The following CDH12 variants were observed in gnomAD, a reference collection of about 807,000 sequenced individuals.
The protein encoded by CDH12 is cadherin 12, also known as cadherin-12.
A neutral mutation model predicts 74.1 loss-of-function variants in CDH12; 41 were observed. That is an observed-to-expected ratio of 0.55 (90% confidence interval 0.43 to 0.72). The LOEUF is 0.72. CDH12 is among the 30% of genes least tolerant of loss of function. CDH12 has a pLI of 0.00. For missense variants in CDH12, 945 were observed against 977.2 expected (o/e 0.97, Z 0.44); for synonymous variants, 399 against 355.0 (o/e 1.12, Z -1.39).
intron 4 of CDH12, among the ~76,000 whole-genome samples, chr5:22,191,375 A>C (rs1750265146): frequency 6.6e-6 from 1 of 152,102 alleles, no homozygotes; most frequent in Non-Finnish European, 1.5e-5. Flanking sequence ...CAGCTCATAG[A>C]TACACTGGAT....
At chr5:22,078,930 C>G in intron 4 of CDH12, 68 bp from the exon 5 acceptor site, 1 of 754,192 alleles carries the variant, frequency 1.3e-6, no homozygotes, top group Non-Finnish European at 1.8e-6. Context: ...TCACAACGCT[C>G]ATTATATCTG....
At chr5:22,042,541 A>G (rs192647822) in intron 5 of CDH12, among the ~76,000 whole-genome samples, 4 of 152,288 alleles carry the variant, frequency 2.6e-5, no homozygotes, top group Admixed American at 1.3e-4. Flanking sequence ...TGGAAAACCT[A>G]GAACAATTAT....
intron 1 of CDH12, among the ~76,000 whole-genome samples, chr5:22,697,241 G>T (rs1561584522): frequency 1.3e-5 from 2 of 152,126 alleles, no homozygotes; most frequent in African/African-American, 4.8e-5. Flanking sequence ...CAGAGATGTT[G>T]CAGGTGAGGT....
intron 1 of CDH12, among the ~76,000 whole-genome samples, chr5:22,820,360 T>C (rs1442943564): frequency 6.6e-6 from 1 of 151,786 alleles, no homozygotes; most frequent in Non-Finnish European, 1.5e-5. Context: ...CAGTGGGAGG[T>C]GATCAAATCA....
At chr5:22,224,440 C>T (rs963473674) in intron 3 of CDH12, among the ~76,000 whole-genome samples, 8 of 151,942 alleles carry the variant, frequency 5.3e-5, no homozygotes, top group Non-Finnish European at 1.2e-4. Flanking sequence ...ATTTTAAAAA[C>T]GATAAACTGA....
At chr5:22,671,865 T>TG (rs1488046788) in intron 1 of CDH12, among the ~76,000 whole-genome samples, 1 of 150,322 alleles carries the variant, frequency 6.7e-6, no homozygotes, top group Non-Finnish European at 1.5e-5. Flanking sequence ...TTTTTGGGGG[T>TG]GGGGTAACTG....
At chr5:22,019,592 A>C (rs922352028) in intron 5 of CDH12, among the ~76,000 whole-genome samples, 3 of 152,184 alleles carry the variant, frequency 2.0e-5, no homozygotes, top group Non-Finnish European at 4.4e-5. Flanking sequence ...CATGGCAAGA[A>C]GATGTTGACC....
At chr5:22,738,177 C>A (rs181559905) in intron 1 of CDH12, among the ~76,000 whole-genome samples, 1 of 152,046 alleles carries the variant, frequency 6.6e-6, no homozygotes, top group Non-Finnish European at 1.5e-5. Flanking sequence ...AGGTTATTAG[C>A]AGAATCTATC....
chr5:22,590,147 A>C (rs1740629400), intron 1 of CDH12, among the ~76,000 whole-genome samples: 1 of 152,168 alleles, frequency 6.6e-6, no homozygotes, highest in Non-Finnish European at 1.5e-5. Context: ...TAATGTACCT[A>C]AATGATAATT....
intron 3 of CDH12, among the ~76,000 whole-genome samples, chr5:22,261,489 T>G (rs1381934773): frequency 6.6e-6 from 1 of 152,038 alleles, no homozygotes; most frequent in Non-Finnish European, 1.5e-5. Context: ...ATCAGCATTT[T>G]CATAATAAAA....
chr5:22,554,215 T>C (rs1738697092), intron 1 of CDH12, among the ~76,000 whole-genome samples: 1 of 152,160 alleles, frequency 6.6e-6, no homozygotes, highest in Admixed American at 6.6e-5. Context: ...TTATTCTGTA[T>C]GATACTATAA....
At chr5:22,746,320 A>G (rs2127026506) in intron 1 of CDH12, among the ~76,000 whole-genome samples, 1 of 152,268 alleles carries the variant, frequency 6.6e-6, no homozygotes, top group South Asian at 2.1e-4. Flanking sequence ...AATAACAACA[A>G]TTTTAAAAAA....
chr5:21,765,236 G>T, intron 11 of CDH12, 137 bp from the exon 12 acceptor site: 1 of 616,432 alleles, frequency 1.6e-6, no homozygotes, highest in Admixed American at 3.7e-5. Context: ...GAAATCCTGG[G>T]GGTTCCAACT....
At chr5:22,750,262 G>T (rs1263175409) in intron 1 of CDH12, among the ~76,000 whole-genome samples, 4 of 152,112 alleles carry the variant, frequency 2.6e-5, no homozygotes, top group Admixed American at 1.3e-4. Flanking sequence ...CACTAAAAAG[G>T]AAAACTGGGT....
At chr5:22,299,453 T>C (rs1221416009) in intron 3 of CDH12, among the ~76,000 whole-genome samples, 3 of 152,206 alleles carry the variant, frequency 2.0e-5, no homozygotes, top group Non-Finnish European at 4.4e-5. Context: ...TATAAAATTA[T>C]ACTGCAAAAT....
chr5:21,755,968 T>C (rs1006333599), intron 13 of CDH12, 126 bp from the exon 14 acceptor site: 31 of 880,078 alleles, frequency 3.5e-5, no homozygotes, highest in Non-Finnish European at 5.2e-5. Context: ...TTTTTTTTAT[T>C]TCTGTTCACA....
chr5:22,044,837 G>A (rs978633623), intron 5 of CDH12, among the ~76,000 whole-genome samples: 3 of 152,158 alleles, frequency 2.0e-5, no homozygotes, highest in African/African-American at 7.2e-5. Context: ...TTGAAACTAT[G>A]AAACTACTAG....
chr5:22,025,025 AAG>A (rs1196720026), intron 5 of CDH12, among the ~76,000 whole-genome samples: 4 of 152,154 alleles, frequency 2.6e-5, no homozygotes, highest in African/African-American at 7.2e-5. Context: ...TTAAAATCAA[AAG>A]AAACATTACT....
chr5:22,584,612 G>C (rs1382566014), intron 1 of CDH12, among the ~76,000 whole-genome samples: 2 of 152,012 alleles, frequency 1.3e-5, no homozygotes, highest in Non-Finnish European at 2.9e-5. Flanking sequence ...GAATTCTTTA[G>C]CATATATTTC....
Sources: allele counts gnomAD v4.1 joint callset (sites outside exome capture counted in the v4.1 genomes callset), GRCh38; gene constraint gnomAD v4.1.1; transcripts MANE v1.5; gene names NCBI Gene and HGNC (gene_info 2026-07-23, HGNC 2026-07-21).